The following SEH1L variants were observed in gnomAD, a reference collection of about 807,000 sequenced individuals.
SEH1L encodes nucleoporin SEH1.
A neutral mutation model predicts 49.5 loss-of-function variants in SEH1L; 18 were observed. The observed-to-expected ratio is 0.36, with a 90% CI of 0.25 to 0.54. SEH1L has a LOEUF of 0.54. Among genes scored for constraint, SEH1L ranks in the 20% least tolerant of loss-of-function variants. The probability of loss-of-function intolerance (pLI) is 0.87; values close to 1 mark genes in which losing one functional copy is unlikely to be tolerated. For missense variants in SEH1L, 404 were observed against 528.8 expected, an observed-to-expected ratio of 0.76 and a Z score of 2.31; for synonymous variants, 169 against 178.1, an observed-to-expected ratio of 0.95 and a Z score of 0.41.
chr18:12,954,392 G>A (rs1300920260), intron 2 of SEH1L, among the ~76,000 whole-genome samples: 2 of 152,128 alleles, frequency 1.3e-5, no homozygotes, highest in Admixed American at 6.6e-5. Context: ...GTCTGTTATC[G>A]ATAGACTGTA....
In SEH1L at chr18:12,949,455, T is replaced by TTTTTTTTG. The variant is rs1568206281; in HGVS notation, c.111+1230_111+1231insGTTTTTTT. 1.9e-4 allele frequency among the ~76,000 whole-genome samples: 23 copies of TTTTTTTTG among 122,290 alleles called. 1 individual carries two copies. The highest frequency in any genetic ancestry group is 7.2e-4 in the African/African-American group (23 of 31,890). The allele number at this position is 122,290 out of a possible 152,430, so 80.2% of individuals were successfully genotyped here. Reference sequence around the variant, plus strand: ...ACTACGTTAACCGTTTTTTTTTTTTTTTTTTTTTTTTTTTTGAGACGGAGT... The same window carrying TTTTTTTTG: ...ACTACGTTAACCGTTTTTTTTTTTTTTTTTTTTGTTTTTTTTTTTTTTTGAGACGGAGT... On this transcript the variant is annotated intron_variant, in intron 1 of 8. Transcript: ENST00000399892.
intron 6 of SEH1L, among the ~76,000 whole-genome samples, chr18:12,980,247 G>GCCGGGCAGGGGGCTGA (rs2032144972): frequency 1.5e-5 from 2 of 131,504 alleles, no homozygotes; most frequent in Non-Finnish European, 3.3e-5. Flanking sequence ...GGGGCGGCTG[G>GCCGGGCAGGGGGCTGA]CCCCCCCACC....
rs554886753 is a variant in SEH1L, at chr18:12,981,850, A to ATTTTTTTTTT, written c.762-650_762-641dup. Among the ~76,000 whole-genome samples the ATTTTTTTTTT allele has an allele frequency of 1.2e-3, 102 of 88,188 alleles. 15 individuals are homozygous for ATTTTTTTTTT. The highest frequency in any genetic ancestry group is 5.3e-3 in the African/African-American group (94 of 17,574). The allele number at this position is 88,188 out of a possible 152,430, so 57.9% of individuals were successfully genotyped here. ...TTCTTTCCTACTTGCTGCCCTGCCC[A>ATTTTTTTTTT]TTTTTTTTTTTTTTTTTTTTTTTTT... On this transcript the variant is annotated intron_variant, in intron 6 of 8. Coordinates refer to ENST00000399892, the MANE Select transcript of SEH1L (RefSeq NM_001013437.2).
At chr18:12,972,097 G>A (rs1267124544) in intron 5 of SEH1L, 1 of 152,230 alleles carries the variant, frequency 6.6e-6, no homozygotes, top group African/African-American at 2.4e-5. Flanking sequence ...AGGGAAACAT[G>A]GTGGATTCAC....
intron 6 of SEH1L, among the ~76,000 whole-genome samples, chr18:12,979,945 C>T (rs1478179435): frequency 1.5e-5 from 2 of 133,088 alleles, no homozygotes; most frequent in African/African-American, 2.9e-5. Context: ...CCAGTAGGGG[C>T]GGCCGGGCAG....
rs565899060 is a variant in SEH1L at position 12,975,621 on chromosome 18, A to AC, written c.621-3130dup. On this transcript the variant is annotated intron_variant, in intron 5 of 8. Transcript: ENST00000399892. Reference sequence around the variant, plus strand: ...AGAGAGACAGGGGAGGGGCAGGCCAACAGGCCAGGCAGATTTTGGAGAGTG... The same window carrying AC: ...AGAGAGACAGGGGAGGGGCAGGCCAACCAGGCCAGGCAGATTTTGGAGAGTG... 4,542 of 811,992 alleles carry AC rather than the reference A, an allele frequency of 5.6e-3. 20 individuals carry two copies. The highest frequency in any genetic ancestry group is 6.3e-3 in the Non-Finnish European group (4,247 of 671,642). 50.3% of individuals were successfully genotyped at this position (811,992 alleles called of 1,614,324 possible).
intron 4 of SEH1L, among the ~76,000 whole-genome samples, chr18:12,967,707 A>T (rs1295350831): frequency 1.3e-5 from 2 of 152,178 alleles, no homozygotes; most frequent in African/African-American, 4.8e-5. Context: ...TGAAGTCAGG[A>T]GTTTGAGACT....
intron 5 of SEH1L, chr18:12,976,057 G>T (rs1039613644): frequency 1.2e-5 from 2 of 163,380 alleles, no homozygotes; most frequent in African/African-American, 4.8e-5. Context: ...GAGATTAGTT[G>T]TCTATTGCTG....
In SEH1L at chr18:12,978,817, C is replaced by T. The variant is rs559503584; in HGVS notation, c.686C>T (p.Pro229Leu). 6.2e-7 allele frequency: 1 copy of T among 1,613,778 alleles called. No homozygotes were observed. Among genetic ancestry groups the T allele is most frequent in the East Asian group, 2.2e-5 (1 of 44,872 alleles). Residue 229 changes from proline (P) to leucine (L), a missense_variant, in exon 6 of 9, where the codon CCA becomes CTA. Transcript: ENST00000399892. ...CCTGTTCATGATATTGCATTCGCTC[C>T]AAATTTGGGAAGATCTTTCCATATT... ...TDPVHDIAFA[P>L]NLGRSFHILA...
rs772992074 is a variant in SEH1L at position 12,948,097 on chromosome 18, C to T, written c.-25C>T. ...CCGCTGCCGCCGCCACTGTCCTCTT[C>T]GGAGGCGCGGGCCCGACGGAAACCA... is the stretch of plus-strand genomic sequence containing the variant. On this transcript the variant is annotated 5_prime_UTR_variant, in exon 1 of 9. Coordinates refer to ENST00000399892, the MANE Select transcript of SEH1L (RefSeq NM_001013437.2). 6.3e-7 allele frequency: 1 copy of T among 1,586,590 alleles called. No individual in the cohort carries two copies. The highest frequency in any genetic ancestry group is 1.7e-5 in the Admixed American group (1 of 59,362).
chr18:12,974,881 C>T (rs2031852129), intron 5 of SEH1L, among the ~76,000 whole-genome samples: 1 of 152,176 alleles, frequency 6.6e-6, no homozygotes, highest in African/African-American at 2.4e-5. Context: ...AGAGTCAGGA[C>T]CAGAAACAAA....
At chr18:12,948,457 C>G in intron 1 of SEH1L, 1 of 407,564 alleles carries the variant, frequency 2.5e-6, no homozygotes, top group Non-Finnish European at 4.4e-6. Context: ...GCTGGTGCCA[C>G]GTGCGCGCTC....
rs767001820 is a variant in SEH1L, at chr18:12,963,364, C to T, written c.514C>T (p.Pro172Ser). 4 of 1,612,348 alleles carry T rather than the reference C, an allele frequency of 2.5e-6. No individual in the cohort carries two copies. The highest frequency in any genetic ancestry group is 1.7e-4 in the Middle Eastern group (1 of 6,050). The change falls in exon 4 of 9, where the codon CCT becomes TCT. Residue 172 changes from proline (P) to serine (S), a missense_variant. By Grantham distance (74) the Pro-to-Ser change is moderately conservative. Around this residue, in one of 3 missense-constraint regions of SEH1L, gnomAD observed 342 missense variants for 430.8 expected, o/e 0.79. Coordinates refer to ENST00000399892, the MANE Select transcript of SEH1L (RefSeq NM_001013437.2). ...KLSCSCISWN[P>S]SSSRAHSPMI... ...AAGCTGTAGTTGTATTTCTTGGAACCCTTCAAGGTAAGTTTACATATTAAA... is the reference window on the plus strand; with the variant it reads ...AAGCTGTAGTTGTATTTCTTGGAACTCTTCAAGGTAAGTTTACATATTAAA...
chr18:12,967,939 A>G (rs1283431130), intron 4 of SEH1L, among the ~76,000 whole-genome samples: 1 of 151,760 alleles, frequency 6.6e-6, no homozygotes, highest in African/African-American at 2.4e-5. Flanking sequence ...GAAAAAAAAA[A>G]AGAAAGCCTG....
chr18:12,955,562 G>C lies in SEH1L; in HGVS notation c.262G>C (p.Glu88Gln), dbSNP rs1568211197. Residue 88 changes from glutamate to glutamine, a missense_variant, in exon 3 of 9, where the codon GAA becomes CAA. Physicochemically the swap from Glu to Gln is conservative, Grantham distance 29 (BLOSUM62 2). This residue lies in a region of SEH1L where 342 missense variants were observed against 430.8 expected (regional missense o/e 0.79). Coordinates refer to ENST00000399892, the MANE Select transcript of SEH1L (RefSeq NM_001013437.2). ...SFDRTAAVWE[E>Q]IVGESNDKLR... The stretch of plus-strand genomic sequence containing the variant: ...TGACCGAACAGCTGCTGTATGGGAA[G>C]AAATAGTAGGAGAATCAAATGATAA... The C allele has an allele frequency of 6.2e-7, 1 of 1,614,012 alleles. No homozygotes were observed. The highest frequency in any genetic ancestry group is 2.2e-5 in the East Asian group (1 of 44,872).
At position 12,969,416 on chromosome 18, in the gene SEH1L, A is replaced by G. The variant is rs552153099; in HGVS notation, c.522-1737A>G. Among the ~76,000 whole-genome samples, 39 of 152,026 alleles carry G rather than the reference A, an allele frequency of 2.6e-4. 1 individual carries two copies. The highest frequency in any genetic ancestry group is 2.5e-3 in the Admixed American group (38 of 15,250). ...TTAAAAAAAAAAATCTTGGCCAGGC[A>G]TGGTTGTTTACGCCTGTAATCCCAG... On this transcript the variant is annotated intron_variant, in intron 4 of 8. Transcript: ENST00000399892.
intron 3 of SEH1L, among the ~76,000 whole-genome samples, chr18:12,956,426 A>G (rs1422647638): frequency 1.3e-5 from 2 of 149,226 alleles, no homozygotes; most frequent in South Asian, 2.1e-4. Context: ...GTCACACGCC[A>G]TACAGATCCA....
At chr18:12,950,250 A>G (rs982272855) in intron 1 of SEH1L, among the ~76,000 whole-genome samples, 2 of 152,034 alleles carry the variant, frequency 1.3e-5, no homozygotes, top group Admixed American at 1.3e-4. Flanking sequence ...TGCCCAGGCT[A>G]GTCTCGAACT....
chr18:12,954,933 C>T (rs2030762960), intron 2 of SEH1L, among the ~76,000 whole-genome samples: 1 of 152,204 alleles, frequency 6.6e-6, no homozygotes, highest in Non-Finnish European at 1.5e-5. Flanking sequence ...AAAGGAAACC[C>T]TGTGCTCATT....
Sources: allele counts gnomAD v4.1 joint callset (sites outside exome capture counted in the v4.1 genomes callset), GRCh38; gene constraint gnomAD v4.1.1; regional missense constraint gnomAD v4.1.1; transcripts MANE v1.5; gene names NCBI Gene and HGNC (gene_info 2026-07-23, HGNC 2026-07-21).